Variants in ECPAS observed in about 807,000 individuals in gnomAD.
ECPAS encodes the protein proteasome adapter and scaffold protein ECM29.
In ECPAS, 70 loss-of-function variants were observed where a neutral mutation model predicts 255.1. That is an observed-to-expected ratio of 0.27 (90% CI 0.23 to 0.33). ECPAS has a LOEUF of 0.33. ECPAS is among the 10% of genes least tolerant of loss of function. The pLI is 1.00. For missense variants in ECPAS, 1,817 were observed against 2,206.4 expected, an observed-to-expected ratio of 0.82 and a Z score of 3.54; for synonymous variants, 784 against 775.0, an observed-to-expected ratio of 1.01 and a Z score of -0.19.
At chr9:111,473,675 A>G (rs2098292340) in intron 1 of ECPAS, among the ~76,000 whole-genome samples, 1 of 152,112 alleles carries the variant, frequency 6.6e-6, no homozygotes, top group Non-Finnish European at 1.5e-5. Flanking sequence ...CCCATTCTTA[A>G]AACAATCCTG....
chr9:111,423,371 T>C (rs1356023235), intron 12 of ECPAS, 123 bp from the exon 13 acceptor site: 1 of 684,146 alleles, frequency 1.5e-6, no homozygotes, highest in East Asian at 2.7e-5. Flanking sequence ...TTATTAAACC[T>C]AGGTCTCACT....
rs1289756957 is a variant in ECPAS at position 111,437,054 on chromosome 9, A to C, written c.594T>G (p.Ser198=). The change falls in exon 7 of 50, where the codon TCT becomes TCG. Residue 198 remains serine, a synonymous_variant. Transcript: ENST00000684092. ...SRQNSSSAQG[S]SSNSGGGSGI... Reference sequence around the variant, plus strand: ...CAGAACCTCCGCCACTGTTTGAAGAAGAACCCTGTGCTGAAGATGAATTTT... The same window carrying C: ...CAGAACCTCCGCCACTGTTTGAAGACGAACCCTGTGCTGAAGATGAATTTT... 1.2e-6 allele frequency: 2 copies of C among 1,613,210 alleles called. No individual in the cohort carries two copies. Among genetic ancestry groups the C allele is most frequent in the Admixed American group, 1.7e-5 (1 of 59,816 alleles).
intron 2 of ECPAS, among the ~76,000 whole-genome samples, chr9:111,461,627 G>T (rs2098273296): frequency 6.6e-6 from 1 of 152,190 alleles, no homozygotes; most frequent in Non-Finnish European, 1.5e-5. Context: ...GTGAGTAAAT[G>T]ATGGTCTTTT....
rs778932037 is a variant in ECPAS at position 111,363,653 on chromosome 9, T to C, written c.5315A>G (p.Lys1772Arg). The C allele has an allele frequency of 8.9e-5, 134 of 1,500,898 alleles. No individual in the cohort carries two copies. Among genetic ancestry groups the C allele is most frequent in the Non-Finnish European group, 1.1e-4 (126 of 1,105,564 alleles). 93.0% of individuals were successfully genotyped at this position (1,500,898 alleles called of 1,614,324 possible). The stretch of plus-strand genomic sequence containing the variant: ...TTCTGTTCTCACAGATGAGTAGGTC[T>C]TATTTTCTAAAAAGAAATATCATAC... ...CKSITYSLEN[K>R]TYSSVRTEAL... The change falls in exon 49 of 50, where the codon AAG becomes AGG. Residue 1772 changes from lysine (K) to arginine (R), a missense_variant. Physicochemically the swap from Lys to Arg is conservative, Grantham distance 26 (BLOSUM62 2). Around this residue, in one of 4 missense-constraint regions of ECPAS, gnomAD observed 960 missense variants for 1,179.0 expected, o/e 0.81. Transcript: ENST00000684092.
intron 3 of ECPAS, 91 bp from the exon 4 acceptor site, chr9:111,444,585 A>T (rs1408417984): frequency 2.5e-6 from 2 of 794,940 alleles, no homozygotes; most frequent in African/African-American, 1.7e-5. Context: ...TATCTATGTT[A>T]GTGAATAGTA....
chr9:111,362,428 G>C (rs1003524778), intron 49 of ECPAS, among the ~76,000 whole-genome samples: 1 of 151,888 alleles, frequency 6.6e-6, no homozygotes, highest in Non-Finnish European at 1.5e-5. Flanking sequence ...AGTATCAGTG[G>C]GAGTAAGAGA....
intron 24 of ECPAS, among the ~76,000 whole-genome samples, chr9:111,406,772 C>T (rs897340025): frequency 1.3e-5 from 2 of 148,878 alleles, no homozygotes; most frequent in Non-Finnish European, 2.9e-5. Context: ...GGCATGGTGG[C>T]GCATGCCTGT....
At chr9:111,476,518 TTTC>T (rs1420137825) in intron 1 of ECPAS, among the ~76,000 whole-genome samples, 2 of 152,208 alleles carry the variant, frequency 1.3e-5, no homozygotes, top group East Asian at 3.8e-4. Context: ...AACTAATGGT[TTTC>T]TTTTTTGGCA....
At chr9:111,454,728 T>G in intron 2 of ECPAS, among the ~76,000 whole-genome samples, 1 of 150,966 alleles carries the variant, frequency 6.6e-6, no homozygotes. Flanking sequence ...TTTTTTTAAA[T>G]AAGACAGGGT....
intron 16 of ECPAS, among the ~76,000 whole-genome samples, chr9:111,419,587 A>G (rs918228097): frequency 1.3e-5 from 2 of 151,878 alleles, no homozygotes; most frequent in Non-Finnish European, 2.9e-5. Flanking sequence ...TTAAAAATAT[A>G]TTAGATATAA....
intron 23 of ECPAS, among the ~76,000 whole-genome samples, chr9:111,409,498 A>T (rs1221807038): frequency 6.6e-6 from 1 of 151,908 alleles, no homozygotes; most frequent in Non-Finnish European, 1.5e-5. Context: ...TGGGAGGTGG[A>T]GGTTGCAGTG....
At position 111,362,185 on chromosome 9, in the gene ECPAS, AAAAC is replaced by A; in HGVS notation, c.5381-20_5381-17del. Reference sequence around the variant, plus strand: ...TGTTTAGATTCTGCATGAAAAAAAAAAAACAAAAACAAAAAAAACAAAAAACAAA... The same window carrying A: ...TGTTTAGATTCTGCATGAAAAAAAAAAAAAACAAAAAAAACAAAAAACAAA... On this transcript the variant is annotated splice_polypyrimidine_tract_variant and intron_variant, in intron 49 of 49. Transcript: ENST00000684092. The A allele has an allele frequency of 2.6e-6, 4 of 1,539,598 alleles. No homozygotes were observed. Among genetic ancestry groups the A allele is most frequent in the Non-Finnish European group, 1.7e-6 (2 of 1,150,302 alleles).
At chr9:111,419,139 T>C (rs536790117) in intron 16 of ECPAS, among the ~76,000 whole-genome samples, 2 of 152,342 alleles carry the variant, frequency 1.3e-5, no homozygotes, top group Non-Finnish European at 2.9e-5. Flanking sequence ...TACCCATTTT[T>C]AAAAAATGGA....
At position 111,484,192 on chromosome 9, in the gene ECPAS, G is replaced by A. The variant is rs1429224686; in HGVS notation, c.-159C>T. On this transcript the variant is annotated 5_prime_UTR_variant, in exon 1 of 50. Coordinates refer to ENST00000684092, the MANE Select transcript of ECPAS (RefSeq NM_001364929.1). ...GTGAGGGCTGTAGAGCGAGGCGTTC[G>A]GCGGGCCGGGCCCCGGGGAGCCGCG... 1 of 1,482,614 alleles carries A rather than the reference G, an allele frequency of 6.7e-7. No individual in the cohort carries two copies. Among genetic ancestry groups the A allele is most frequent in the Non-Finnish European group, 8.9e-7 (1 of 1,118,730 alleles). 91.8% of individuals were successfully genotyped at this position (1,482,614 alleles called of 1,614,324 possible). A position where few individuals can be genotyped will look rare whatever the true frequency, so the allele number is the denominator to read the frequency against.
intron 24 of ECPAS, among the ~76,000 whole-genome samples, chr9:111,401,833 G>A (rs2098176514): frequency 6.6e-6 from 1 of 152,172 alleles, no homozygotes; most frequent in Non-Finnish European, 1.5e-5. Flanking sequence ...GCTCTATTCT[G>A]CCCGACCCTG....
intron 2 of ECPAS, among the ~76,000 whole-genome samples, chr9:111,466,553 T>G (rs988305929): frequency 6.6e-6 from 1 of 151,916 alleles, no homozygotes; most frequent in African/African-American, 2.4e-5. Flanking sequence ...CCAGTTTAGC[T>G]CATGTTAACT....
chr9:111,392,696 T>C, intron 28 of ECPAS, 72 bp downstream of exon 28: 1 of 1,009,550 alleles, frequency 9.9e-7, no homozygotes, highest in Non-Finnish European at 1.5e-6. Context: ...ATCTTCCTTC[T>C]CCAGCATCTT....
At chr9:111,470,952 T>C (rs2098287235) in intron 2 of ECPAS, among the ~76,000 whole-genome samples, 1 of 151,720 alleles carries the variant, frequency 6.6e-6, no homozygotes, top group African/African-American at 2.4e-5. Context: ...TAGAAATCGG[T>C]TTTAGGAGGT....
chr9:111,443,265 C>G (rs762444016), intron 4 of ECPAS, among the ~76,000 whole-genome samples: 45 of 151,858 alleles, frequency 3.0e-4, no homozygotes, highest in Non-Finnish European at 4.0e-4. Flanking sequence ...CATTTTTTTC[C>G]CCCAAGACAG....
Sources: allele counts gnomAD v4.1 joint callset (sites outside exome capture counted in the v4.1 genomes callset), GRCh38; gene constraint gnomAD v4.1.1; regional missense constraint gnomAD v4.1.1; transcripts MANE v1.5; gene names NCBI Gene and HGNC (gene_info 2026-07-23, HGNC 2026-07-21).